The following CRYBG1 variants were observed in gnomAD, a reference collection of about 807,000 sequenced individuals.
CRYBG1 encodes beta/gamma crystallin domain-containing protein 1.
CRYBG1 carries 139 observed loss-of-function variants against 189.2 expected under a neutral mutation model. That is an observed-to-expected ratio of 0.73 (90% confidence interval 0.64 to 0.85). The LOEUF (loss-of-function observed/expected upper bound fraction) is 0.85, where lower values mean the gene tolerates loss of function less well. Ranked by LOEUF, CRYBG1 falls within the 40% of genes least tolerant of loss-of-function variation. The probability of loss-of-function intolerance (pLI) is 0.00; values close to 1 mark genes in which losing one functional copy is unlikely to be tolerated. For synonymous variants in CRYBG1, 1,023 were observed against 1,017.1 expected (o/e 1.01, Z -0.11); for missense variants, 2,611 against 2,675.8 (o/e 0.98, Z 0.53).
chr6:106,530,312 G>T lies in CRYBG1; in HGVS notation c.4715G>T (p.Gly1572Val). The T allele has an allele frequency of 6.3e-7, 1 of 1,596,574 alleles. No individual in the cohort carries two copies. The highest frequency in any genetic ancestry group is 1.1e-5 in the South Asian group (1 of 88,376). ...QKTCSMKVHW[G>V]TWLIYEEPGF... ...ACTTGTTCCATGAAAGTACATTGGGGCACGTAAGTATTTTTTTTTCAAACA... is the reference window on the plus strand; with the variant it reads ...ACTTGTTCCATGAAAGTACATTGGGTCACGTAAGTATTTTTTTTTCAAACA... The change falls in exon 8 of 22, where the codon GGC becomes GTC. Residue 1572 changes from glycine (G) to valine (V), a missense_variant. Physicochemically the swap from Gly to Val is moderately radical, Grantham distance 109. This residue lies in a region of CRYBG1 where 1,622 missense variants were observed against 1,735.0 expected (regional missense o/e 0.93). Coordinates refer to ENST00000633556, the MANE Select transcript of CRYBG1 (RefSeq NM_001371242.2).
rs397976859 is a variant in CRYBG1, at chr6:106,521,711, C to CTTTTTTTTT, written c.4245+275_4245+283dup. On this transcript the variant is annotated intron_variant, in intron 4 of 21. Transcript: ENST00000633556. ...CTACAAATGCTCTAAGGCACATGAT[C>CTTTTTTTTT]TTTTTTTTTTTTTTTTTTTTTTTTT... Among the ~76,000 whole-genome samples the CTTTTTTTTT allele has an allele frequency of 1.8e-4, 13 of 72,184 alleles. 1 individual carries two copies. The highest frequency in any genetic ancestry group is 2.8e-4 in the Non-Finnish European group (12 of 42,390). 47.4% of individuals were successfully genotyped at this position (72,184 alleles called of 152,430 possible).
intron 2 of CRYBG1, among the ~76,000 whole-genome samples, chr6:106,505,806 T>C (rs1773119697): frequency 6.6e-6 from 1 of 152,106 alleles, no homozygotes; most frequent in South Asian, 2.1e-4. Context: ...TGTGAACAAG[T>C]AACATGGCCA....
intron 1 of CRYBG1, among the ~76,000 whole-genome samples, chr6:106,438,614 T>C (rs865822578): frequency 1.3e-5 from 2 of 152,140 alleles, no homozygotes; most frequent in South Asian, 2.1e-4. Context: ...CCATAATCCA[T>C]ATGTGTTTGC....
chr6:106,435,527 C>T (rs1284803121), intron 1 of CRYBG1, among the ~76,000 whole-genome samples: 1 of 152,128 alleles, frequency 6.6e-6, no homozygotes, highest in East Asian at 1.9e-4. Flanking sequence ...AGTGTCAAAA[C>T]AGATGTTGGC....
At chr6:106,379,513 G>A (rs534474441) in intron 1 of CRYBG1, among the ~76,000 whole-genome samples, 28 of 151,920 alleles carry the variant, frequency 1.8e-4, no homozygotes, top group Admixed American at 1.4e-3. Flanking sequence ...CACCCGCCTC[G>A]GCCTCCCAAA....
chr6:106,505,609 T>C (rs1446491564), intron 2 of CRYBG1, among the ~76,000 whole-genome samples: 2 of 152,188 alleles, frequency 1.3e-5, no homozygotes, highest in Non-Finnish European at 1.5e-5. Context: ...GTCACGAGTC[T>C]AAAGTCTTTC....
At chr6:106,427,498 C>T (rs999130357) in intron 1 of CRYBG1, among the ~76,000 whole-genome samples, 1 of 152,066 alleles carries the variant, frequency 6.6e-6, no homozygotes, top group African/African-American at 2.4e-5. Context: ...TAAAATATGT[C>T]TAGAATCTGA....
intron 2 of CRYBG1, among the ~76,000 whole-genome samples, chr6:106,494,000 T>C (rs528544072): frequency 6.6e-6 from 1 of 152,306 alleles, no homozygotes; most frequent in South Asian, 2.1e-4. Context: ...GGTATATGCA[T>C]ACAATGGTAT....
rs142302955 is a variant in CRYBG1, at chr6:106,391,203, C to G, written c.173+30122C>G. Reference sequence around the variant, plus strand: ...GTTCAGTCAATTCTTGTGGCTCAGCCTCCCAAGTAGCTGAGATTACAGGCA... The same window carrying G: ...GTTCAGTCAATTCTTGTGGCTCAGCGTCCCAAGTAGCTGAGATTACAGGCA... On this transcript the variant is annotated intron_variant, in intron 1 of 21. Coordinates refer to ENST00000633556, the MANE Select transcript of CRYBG1 (RefSeq NM_001371242.2). 2.0e-5 allele frequency among the ~76,000 whole-genome samples: 3 copies of G among 152,224 alleles called. No individual in the cohort carries two copies. In the East Asian group the frequency reaches 5.8e-4, roughly 29 times the overall value.
intron 1 of CRYBG1, among the ~76,000 whole-genome samples, chr6:106,435,495 A>C (rs1582761127): frequency 6.6e-6 from 1 of 152,296 alleles, no homozygotes; most frequent in East Asian, 1.9e-4. Flanking sequence ...ATTTGTAATG[A>C]CTGCTTTTTA....
chr6:106,530,307 T>G lies in CRYBG1; in HGVS notation c.4710T>G (p.His1570Gln), dbSNP rs760703728. ...AGAAGACTTGTTCCATGAAAGTACATTGGGGCACGTAAGTATTTTTTTTTC... is the reference window on the plus strand; with the variant it reads ...AGAAGACTTGTTCCATGAAAGTACAGTGGGGCACGTAAGTATTTTTTTTTC... ...VMQKTCSMKV[H>Q]WGTWLIYEEP... Residue 1570 changes from histidine to glutamine, a missense_variant, in exon 8 of 22, where the codon CAT becomes CAG. Coordinates refer to ENST00000633556, the MANE Select transcript of CRYBG1 (RefSeq NM_001371242.2). 7 of 1,604,746 alleles carry G rather than the reference T, an allele frequency of 4.4e-6. No individual in the cohort carries two copies. Among genetic ancestry groups the G allele is most frequent in the Middle Eastern group, 1.7e-4 (1 of 6,008 alleles).
At chr6:106,472,267 T>C (rs1772247377) in intron 2 of CRYBG1, among the ~76,000 whole-genome samples, 1 of 152,226 alleles carries the variant, frequency 6.6e-6, no homozygotes, top group Non-Finnish European at 1.5e-5. Flanking sequence ...ACAAAGTGTA[T>C]GTTTTTCATG....
chr6:106,552,398 C>A (rs1265206832), intron 15 of CRYBG1, 182 bp downstream of exon 15: 4 of 321,740 alleles, frequency 1.2e-5, no homozygotes, highest in Non-Finnish European at 2.3e-5. Context: ...CCAGCCTGAC[C>A]AACATGGGGA....
At chr6:106,466,042 G>A (rs1395049930) in intron 2 of CRYBG1, among the ~76,000 whole-genome samples, 2 of 152,186 alleles carry the variant, frequency 1.3e-5, no homozygotes, top group African/African-American at 2.4e-5. Flanking sequence ...TGAAATTACT[G>A]GGGGCACAGA....
intron 1 of CRYBG1, among the ~76,000 whole-genome samples, chr6:106,403,167 T>G (rs1203490601): frequency 7.9e-5 from 12 of 152,026 alleles, no homozygotes; most frequent in Admixed American, 7.9e-4. Flanking sequence ...AGACGCCTTC[T>G]CTTAAAAACA....
chr6:106,438,228 A>G (rs1342563487), intron 1 of CRYBG1, among the ~76,000 whole-genome samples: 2 of 152,214 alleles, frequency 1.3e-5, no homozygotes, highest in East Asian at 3.8e-4. Flanking sequence ...CTGAGTTATT[A>G]CTGATGCCAG....
intron 9 of CRYBG1, 192 bp from the exon 10 acceptor site, chr6:106,541,394 C>A: frequency 1.5e-6 from 1 of 681,992 alleles, no homozygotes. Flanking sequence ...TTGTGCGAGG[C>A]TCCGTTCTAG....
At chr6:106,379,073 C>G (rs1158522633) in intron 1 of CRYBG1, among the ~76,000 whole-genome samples, 3 of 151,964 alleles carry the variant, frequency 2.0e-5, no homozygotes, top group Non-Finnish European at 4.4e-5. Flanking sequence ...TGCTTGACCC[C>G]GGGAGGCAGA....
At chr6:106,433,782 TATA>T (rs1771397090) in intron 1 of CRYBG1, among the ~76,000 whole-genome samples, 3 of 135,604 alleles carry the variant, frequency 2.2e-5, no homozygotes, top group East Asian at 2.4e-4. Flanking sequence ...TGTATATATA[TATA>T]AACATACACA....
Sources: allele counts gnomAD v4.1 joint callset (sites outside exome capture counted in the v4.1 genomes callset), GRCh38; gene constraint gnomAD v4.1.1; regional missense constraint gnomAD v4.1.1; transcripts MANE v1.5; gene names NCBI Gene and HGNC (gene_info 2026-07-23, HGNC 2026-07-21).